Variants in FSTL5 observed in about 807,000 individuals in gnomAD.
FSTL5 encodes follistatin like 5, also known as follistatin-related protein 5.
FSTL5 carries 62 observed loss-of-function variants against 89.1 expected under a neutral mutation model. The ratio of observed to expected loss-of-function variants is 0.70; its 90% CI spans 0.57 to 0.86. FSTL5 has a LOEUF of 0.86. Among genes scored for constraint, FSTL5 ranks in the 40% least tolerant of loss-of-function variants. The pLI is 0.00. For synonymous variants in FSTL5, 383 were observed against 346.2 expected (o/e 1.11, Z -1.18); for missense variants, 1,057 against 1,001.6 (o/e 1.06, Z -0.75).
intron 6 of FSTL5, among the ~76,000 whole-genome samples, chr4:161,691,919 G>C (rs934988651): frequency 6.6e-6 from 1 of 151,952 alleles, no homozygotes; most frequent in African/African-American, 2.4e-5. Flanking sequence ...GTGTGTGTGA[G>C]TGTGCATTCT....
intron 2 of FSTL5, among the ~76,000 whole-genome samples, chr4:162,090,946 G>T (rs768382907): frequency 6.6e-6 from 1 of 151,458 alleles, no homozygotes; most frequent in Non-Finnish European, 1.5e-5. Flanking sequence ...TTGTACTCTT[G>T]TTTACAGAGC....
intron 6 of FSTL5, among the ~76,000 whole-genome samples, chr4:161,740,149 A>C (rs1444282427): frequency 6.6e-6 from 1 of 151,936 alleles, no homozygotes; most frequent in Non-Finnish European, 1.5e-5. Context: ...CCTCCTGAAT[A>C]GCTGGGATTA....
chr4:162,101,082 C>T (rs1441392726), intron 2 of FSTL5, among the ~76,000 whole-genome samples: 2 of 152,164 alleles, frequency 1.3e-5, no homozygotes, highest in Non-Finnish European at 2.9e-5. Context: ...AGCCAGGTGG[C>T]TAGCTCAAAG....
At chr4:161,843,832 TA>T (rs935934484) in intron 4 of FSTL5, among the ~76,000 whole-genome samples, 8 of 151,888 alleles carry the variant, frequency 5.3e-5, no homozygotes, top group African/African-American at 1.7e-4. Flanking sequence ...CCTAAAACCA[TA>T]AAAAAACCCT....
At chr4:161,780,927 A>T (rs1741643331) in intron 4 of FSTL5, among the ~76,000 whole-genome samples, 1 of 152,178 alleles carries the variant, frequency 6.6e-6, no homozygotes, top group African/African-American at 2.4e-5. Context: ...TCCCTTCAAC[A>T]CAAAAGATTC....
At chr4:161,431,091 A>G (rs1461496734) in intron 15 of FSTL5, among the ~76,000 whole-genome samples, 2 of 152,192 alleles carry the variant, frequency 1.3e-5, no homozygotes, top group African/African-American at 4.8e-5. Flanking sequence ...AAAGGATGTT[A>G]ATAAGAAATC....
At chr4:161,950,619 C>T (rs1270932265) in intron 3 of FSTL5, among the ~76,000 whole-genome samples, 1 of 152,146 alleles carries the variant, frequency 6.6e-6, no homozygotes, top group Non-Finnish European at 1.5e-5. Flanking sequence ...GAGTTCTGCT[C>T]TCTCTTCAGT....
intron 7 of FSTL5, among the ~76,000 whole-genome samples, chr4:161,616,064 G>GT (rs139705148): frequency 2.9e-4 from 43 of 147,730 alleles, no homozygotes; most frequent in East Asian, 5.9e-4. Flanking sequence ...TTTTCTGAGT[G>GT]TTTTTTTTTT....
chr4:162,082,358 C>T (rs1020743040), intron 2 of FSTL5, among the ~76,000 whole-genome samples: 3 of 151,408 alleles, frequency 2.0e-5, no homozygotes, highest in Non-Finnish European at 3.0e-5. Context: ...TTATTGTTCA[C>T]GTATGTTATT....
At chr4:161,975,271 A>C (rs1425986036) in intron 3 of FSTL5, among the ~76,000 whole-genome samples, 1 of 149,754 alleles carries the variant, frequency 6.7e-6, no homozygotes, top group Non-Finnish European at 1.5e-5. Context: ...CCAAAGGACT[A>C]TAAATCATGC....
intron 13 of FSTL5, among the ~76,000 whole-genome samples, chr4:161,479,014 A>G (rs924718478): frequency 6.6e-6 from 1 of 152,122 alleles, no homozygotes; most frequent in African/African-American, 2.4e-5. Flanking sequence ...AATCTACACA[A>G]TAATTTCCTT....
intron 4 of FSTL5, among the ~76,000 whole-genome samples, chr4:161,896,563 A>T (rs1212809487): frequency 6.6e-6 from 1 of 152,306 alleles, no homozygotes; most frequent in East Asian, 1.9e-4. Flanking sequence ...CTATTCCTCC[A>T]TAAATAACAA....
intron 15 of FSTL5, among the ~76,000 whole-genome samples, chr4:161,415,928 C>A (rs553470741): frequency 6.6e-6 from 1 of 151,382 alleles, no homozygotes. Flanking sequence ...TGATAGCCTG[C>A]GCAGATCATT....
chr4:161,545,555 A>C (rs1731975324), intron 8 of FSTL5, among the ~76,000 whole-genome samples: 1 of 151,986 alleles, frequency 6.6e-6, no homozygotes. Flanking sequence ...TTGGTTTACA[A>C]ATACATGCCA....
intron 3 of FSTL5, among the ~76,000 whole-genome samples, chr4:161,980,879 C>T (rs768962975): frequency 1.4e-5 from 2 of 144,884 alleles, no homozygotes; most frequent in Non-Finnish European, 3.0e-5. Context: ...CGGGTTCAAG[C>T]AATTTTCCTG....
intron 6 of FSTL5, among the ~76,000 whole-genome samples, chr4:161,732,130 T>A (rs2126763130): frequency 6.6e-6 from 1 of 152,208 alleles, no homozygotes; most frequent in East Asian, 1.9e-4. Flanking sequence ...TTTTACACCC[T>A]TCAGCAGTGC....
At chr4:161,655,395 G>A (rs572873548) in intron 7 of FSTL5, among the ~76,000 whole-genome samples, 61 of 152,006 alleles carry the variant, frequency 4.0e-4, no homozygotes, top group African/African-American at 1.4e-3. Flanking sequence ...TTGGTCCAGT[G>A]AACACATGAC....
intron 8 of FSTL5, among the ~76,000 whole-genome samples, chr4:161,559,625 T>C (rs1362079958): frequency 2.6e-5 from 4 of 151,968 alleles, no homozygotes; most frequent in African/African-American, 9.7e-5. Context: ...TGTAAGCAAA[T>C]TAATTCCTGT....
chr4:161,860,089 C>T (rs1198276237), intron 4 of FSTL5, among the ~76,000 whole-genome samples: 4 of 152,068 alleles, frequency 2.6e-5, no homozygotes, highest in South Asian at 4.2e-4. Flanking sequence ...GAGATCTAGA[C>T]CATCCTGGCT....
Sources: gnomAD v4.1 joint callset for allele counts (sites outside exome capture counted in the v4.1 genomes callset) on GRCh38, gnomAD v4.1.1 for gene constraint, MANE v1.5 for transcripts, NCBI Gene and HGNC (gene_info 2026-07-23, HGNC 2026-07-21) for gene names.